Variants in GABRB1 observed in about 807,000 individuals in gnomAD.
The protein encoded by GABRB1 is gamma-aminobutyric acid receptor subunit beta-1.
GABRB1 carries 17 observed loss-of-function variants against 51.6 expected under a neutral mutation model. That is an observed-to-expected ratio of 0.33 (90% confidence interval 0.23 to 0.49). The LOEUF (loss-of-function observed/expected upper bound fraction) is 0.49, where lower values mean the gene tolerates loss of function less well. Ranked by LOEUF, GABRB1 falls within the 20% of genes least tolerant of loss-of-function variation. GABRB1 has a pLI of 0.99. For synonymous variants in GABRB1, 247 were observed against 218.9 expected, an observed-to-expected ratio of 1.13 and a Z score of -1.14; for missense variants, 410 against 600.6, an observed-to-expected ratio of 0.68 and a Z score of 3.32.
chr4:47,274,441 T>G (rs964950034), intron 4 of GABRB1, among the ~76,000 whole-genome samples: 1 of 152,118 alleles, frequency 6.6e-6, no homozygotes, highest in Non-Finnish European at 1.5e-5. Flanking sequence ...GACCTTTTAC[T>G]GAGCACATAG....
At chr4:47,106,543 T>A (rs1714980192) in intron 3 of GABRB1, among the ~76,000 whole-genome samples, 1 of 152,092 alleles carries the variant, frequency 6.6e-6, no homozygotes, top group African/African-American at 2.4e-5. Flanking sequence ...CCATTAAGAC[T>A]AAAGTTTTTT....
chr4:47,041,291 G>A (rs757618709), intron 3 of GABRB1, among the ~76,000 whole-genome samples: 2 of 152,096 alleles, frequency 1.3e-5, no homozygotes, highest in Non-Finnish European at 2.9e-5. Flanking sequence ...GAATTCAAGA[G>A]AGCCCTGTCC....
At chr4:47,276,391 A>G (rs539644714) in intron 4 of GABRB1, among the ~76,000 whole-genome samples, 82 of 152,264 alleles carry the variant, frequency 5.4e-4, no homozygotes, top group Non-Finnish European at 1.1e-3. Context: ...TATAAAATAG[A>G]TAAAAAGCAG....
intron 4 of GABRB1, among the ~76,000 whole-genome samples, chr4:47,275,590 A>C (rs1723044143): frequency 6.6e-6 from 1 of 152,018 alleles, no homozygotes; most frequent in Non-Finnish European, 1.5e-5. Context: ...ATTTTAAGGG[A>C]GGTGGATGGG....
At chr4:47,210,650 A>G (rs966442069) in intron 4 of GABRB1, among the ~76,000 whole-genome samples, 8 of 152,190 alleles carry the variant, frequency 5.3e-5, no homozygotes, top group Admixed American at 4.6e-4. Flanking sequence ...ATAATTGTGT[A>G]GATTTAACTT....
At chr4:47,209,117 T>C (rs968849869) in intron 4 of GABRB1, among the ~76,000 whole-genome samples, 18 of 152,132 alleles carry the variant, frequency 1.2e-4, no homozygotes, top group Non-Finnish European at 2.4e-4. Flanking sequence ...GCTTAGGAAT[T>C]GACTGGGTAT....
rs149344669 is a variant in GABRB1 at position 47,255,998 on chromosome 4, C to T, written c.462-64129C>T. ...ATAAAAGTCTTCTTCAAGAAGAGTA[C>T]AAATTTAGTCCGAGGCCCAGTTTAG... On this transcript the variant is annotated intron_variant, in intron 4 of 8. Coordinates refer to ENST00000295454, the MANE Select transcript of GABRB1 (RefSeq NM_000812.4). Among the ~76,000 whole-genome samples the T allele has an allele frequency of 1.8e-4, 28 of 152,250 alleles. No individual in the cohort carries two copies. In the East Asian group the frequency reaches 5.2e-3, roughly 28 times the overall value.
intron 5 of GABRB1, among the ~76,000 whole-genome samples, chr4:47,368,171 TC>T (rs1560354460): frequency 6.6e-6 from 1 of 152,182 alleles, no homozygotes; most frequent in African/African-American, 2.4e-5. Flanking sequence ...AATTGGAATC[TC>T]CACCCCTGCT....
At chr4:47,295,994 T>C (rs1403912008) in intron 4 of GABRB1, among the ~76,000 whole-genome samples, 3 of 152,102 alleles carry the variant, frequency 2.0e-5, no homozygotes, top group African/African-American at 7.2e-5. Context: ...CAGAATTTCA[T>C]ATCCAGCCAA....
intron 4 of GABRB1, among the ~76,000 whole-genome samples, chr4:47,219,023 G>T (rs551352893): frequency 6.6e-6 from 1 of 151,876 alleles, no homozygotes; most frequent in South Asian, 2.1e-4. Flanking sequence ...TTTAAAACTT[G>T]ATGTTATTAT....
chr4:47,241,370 T>C (rs919644972), intron 4 of GABRB1, among the ~76,000 whole-genome samples: 10 of 152,210 alleles, frequency 6.6e-5, no homozygotes, highest in Non-Finnish European at 1.5e-5. Context: ...AAGTCATTAT[T>C]GTGTGTTAGC....
At chr4:47,137,805 T>C (rs1253114117) in intron 3 of GABRB1, among the ~76,000 whole-genome samples, 1 of 152,132 alleles carries the variant, frequency 6.6e-6, no homozygotes, top group African/African-American at 2.4e-5. Context: ...ACAAATCAGT[T>C]AAATCACATT....
At chr4:47,403,259 A>G in intron 5 of GABRB1, 59 bp from the exon 6 acceptor site, 4 of 1,589,686 alleles carry the variant, frequency 2.5e-6, no homozygotes, top group Non-Finnish European at 2.6e-6. Flanking sequence ...TAGCTCCCAG[A>G]TGGTATTCAA....
intron 3 of GABRB1, among the ~76,000 whole-genome samples, chr4:47,137,286 C>T (rs986908034): frequency 6.6e-6 from 1 of 150,618 alleles, no homozygotes; most frequent in Non-Finnish European, 1.5e-5. Flanking sequence ...GTCTGATGAG[C>T]GAGGAACACC....
At chr4:47,092,241 C>T (rs571473254) in intron 3 of GABRB1, among the ~76,000 whole-genome samples, 31 of 129,738 alleles carry the variant, frequency 2.4e-4, no homozygotes, top group South Asian at 7.6e-4. Flanking sequence ...GGCATGATCT[C>T]GGCTCACTGC....
intron 4 of GABRB1, among the ~76,000 whole-genome samples, chr4:47,315,223 C>G (rs1724841043): frequency 6.6e-6 from 1 of 151,792 alleles, no homozygotes; most frequent in South Asian, 2.1e-4. Flanking sequence ...TAAAAGTAGG[C>G]AAAGAACATG....
At chr4:47,074,733 TG>T (rs1727477789) in intron 3 of GABRB1, among the ~76,000 whole-genome samples, 4 of 152,116 alleles carry the variant, frequency 2.6e-5, no homozygotes, top group Admixed American at 2.6e-4. Context: ...TTACCTAGCA[TG>T]CGAATATATA....
intron 1 of GABRB1, among the ~76,000 whole-genome samples, chr4:46,994,974 G>A (rs1723940592): frequency 6.6e-6 from 1 of 152,058 alleles, no homozygotes. Flanking sequence ...GCTCATCGTG[G>A]GCAGTAGCTA....
At chr4:47,248,231 G>A (rs761352305) in intron 4 of GABRB1, among the ~76,000 whole-genome samples, 10 of 152,076 alleles carry the variant, frequency 6.6e-5, no homozygotes, top group Non-Finnish European at 1.3e-4. Flanking sequence ...ATAAAGGGAT[G>A]CTGGATTTTG....
Sources: allele counts gnomAD v4.1 joint callset (sites outside exome capture counted in the v4.1 genomes callset), GRCh38; gene constraint gnomAD v4.1.1; transcripts MANE v1.5; gene names NCBI Gene and HGNC (gene_info 2026-07-23, HGNC 2026-07-21).